TRDN: variants seen among roughly 807,000 people sequenced by gnomAD.
TRDN encodes triadin, also known as triadin in skeletal muscle.
A neutral mutation model predicts 149.7 loss-of-function variants in TRDN; 161 were observed. The ratio of observed to expected loss-of-function variants is 1.08; its 90% CI spans 0.95 to 1.23. The LOEUF is 1.23. Among genes scored for constraint, TRDN ranks in the 50% most tolerant of loss-of-function variants. The probability of loss-of-function intolerance (pLI) is 0.00; values close to 1 mark genes in which losing one functional copy is unlikely to be tolerated. For missense variants in TRDN, 896 were observed against 823.5 expected (o/e 1.09, Z -1.08); for synonymous variants, 294 against 250.5 (o/e 1.17, Z -1.64).
intron 1 of TRDN, among the ~76,000 whole-genome samples, chr6:123,609,060 C>G (rs1187606183): frequency 6.6e-6 from 1 of 151,936 alleles, no homozygotes; most frequent in African/African-American, 2.4e-5. Flanking sequence ...GTAATCCCAG[C>G]TACTTGAGAG....
chr6:123,488,835 C>T (rs1177015721), intron 9 of TRDN: 1 of 151,948 alleles, frequency 6.6e-6, no homozygotes, highest in African/African-American at 2.4e-5. Flanking sequence ...TGGAATTCGG[C>T]AGTCTTGGAT....
chr6:123,309,687 A>C (rs1448450232), intron 24 of TRDN, among the ~76,000 whole-genome samples: 1 of 151,874 alleles, frequency 6.6e-6, no homozygotes, highest in Non-Finnish European at 1.5e-5. Context: ...TTTTTTCAAT[A>C]AATACATTGA....
chr6:123,486,230 T>G (rs1237036148), intron 9 of TRDN, among the ~76,000 whole-genome samples: 4 of 151,806 alleles, frequency 2.6e-5, no homozygotes, highest in Admixed American at 1.3e-4. Context: ...CATCTTGGGT[T>G]TTGGGTTCTC....
intron 14 of TRDN, among the ~76,000 whole-genome samples, chr6:123,385,830 T>G (rs1781888044): frequency 6.6e-6 from 1 of 152,134 alleles, no homozygotes; most frequent in African/African-American, 2.4e-5. Flanking sequence ...CTGGATCTGC[T>G]CGTAGAATTC....
intron 38 of TRDN, among the ~76,000 whole-genome samples, chr6:123,229,170 T>C (rs932294662): frequency 2.0e-5 from 3 of 151,928 alleles, no homozygotes; most frequent in African/African-American, 7.2e-5. Context: ...AGCAGTTGTC[T>C]GCACTATAAT....
At chr6:123,363,884 T>C (rs1182369861) in intron 20 of TRDN, among the ~76,000 whole-genome samples, 1 of 152,232 alleles carries the variant, frequency 6.6e-6, no homozygotes, top group Non-Finnish European at 1.5e-5. Context: ...CGTAGAGGTT[T>C]CTCTGTACAT....
At chr6:123,463,498 A>C (rs947477509) in intron 10 of TRDN, among the ~76,000 whole-genome samples, 2 of 152,072 alleles carry the variant, frequency 1.3e-5, no homozygotes, top group African/African-American at 4.8e-5. Flanking sequence ...CTCTGCTAGG[A>C]GATAACTTGG....
chr6:123,559,314 G>C (rs56785894), intron 2 of TRDN, among the ~76,000 whole-genome samples: 2 of 149,078 alleles, frequency 1.3e-5, no homozygotes, highest in East Asian at 1.9e-4. Context: ...AAACTCCCCA[G>C]CTCTGGTGCC....
intron 24 of TRDN, among the ~76,000 whole-genome samples, chr6:123,305,970 A>C (rs1204612046): frequency 6.6e-6 from 1 of 152,158 alleles, no homozygotes; most frequent in Non-Finnish European, 1.5e-5. Flanking sequence ...CTAGACTTTT[A>C]GATATGTTTT....
chr6:123,271,250 C>T (rs1777196675), intron 29 of TRDN, 64 bp from the exon 30 acceptor site: 1 of 1,180,592 alleles, frequency 8.5e-7, no homozygotes, highest in African/African-American at 1.6e-5. Context: ...ATATTTCAAC[C>T]ATGATTTTTG....
intron 9 of TRDN, among the ~76,000 whole-genome samples, chr6:123,467,037 A>T (rs2114719398): frequency 6.6e-6 from 1 of 152,226 alleles, no homozygotes; most frequent in East Asian, 1.9e-4. Context: ...ATATAAAGTT[A>T]TTACTTTATT....
At chr6:123,440,736 A>T (rs938275624) in intron 10 of TRDN, among the ~76,000 whole-genome samples, 1 of 152,182 alleles carries the variant, frequency 6.6e-6, no homozygotes, top group African/African-American at 2.4e-5. Flanking sequence ...CAATTAGTCA[A>T]TCTTACACCG....
intron 1 of TRDN, among the ~76,000 whole-genome samples, chr6:123,571,412 A>G (rs918199649): frequency 6.6e-6 from 1 of 152,156 alleles, no homozygotes; most frequent in Middle Eastern, 3.2e-3. Flanking sequence ...GTTCAAATGG[A>G]TAAAACTTCT....
At chr6:123,273,429 T>A in intron 27 of TRDN, 66 bp from the exon 28 acceptor site, 1 of 760,458 alleles carries the variant, frequency 1.3e-6, no homozygotes, top group Non-Finnish European at 1.8e-6. Flanking sequence ...CAATAACAAA[T>A]ACAACTGGTT....
At chr6:123,276,449 C>G (rs1777369603) in intron 26 of TRDN, among the ~76,000 whole-genome samples, 1 of 152,100 alleles carries the variant, frequency 6.6e-6, no homozygotes, top group South Asian at 2.1e-4. Context: ...AAGGTGCAAA[C>G]TGATTTCTCC....
rs755974871 is a variant in TRDN, at chr6:123,272,958, A to G, written c.1672+6T>C. ...TTTGAGACTACAAATACCACCTGCA[A>G]AATACCTGGTTTACCATGAGAAACA... is the stretch of plus-strand genomic sequence containing the variant. On this transcript the variant is annotated splice_donor_region_variant and intron_variant, in intron 29 of 40. Transcript: ENST00000334268. 2.6e-6 allele frequency: 4 copies of G among 1,527,288 alleles called. No individual in the cohort carries two copies. The Admixed American group carries it at 8.9e-5, about 34-fold the overall frequency. The allele number at this position is 1,527,288 out of a possible 1,614,324, so 94.6% of individuals were successfully genotyped here.
At chr6:123,623,428 T>C (rs948902475) in intron 1 of TRDN, among the ~76,000 whole-genome samples, 1 of 152,090 alleles carries the variant, frequency 6.6e-6, no homozygotes, top group African/African-American at 2.4e-5. Flanking sequence ...TAGTTTATCA[T>C]CTCTGATAGG....
intron 24 of TRDN, among the ~76,000 whole-genome samples, chr6:123,315,496 T>C (rs539921210): frequency 6.6e-6 from 1 of 152,060 alleles, no homozygotes; most frequent in South Asian, 2.1e-4. Context: ...TAATTTAATA[T>C]TTAACATATA....
At chr6:123,305,961 T>G (rs1778593024) in intron 24 of TRDN, among the ~76,000 whole-genome samples, 1 of 152,176 alleles carries the variant, frequency 6.6e-6, no homozygotes, top group Non-Finnish European at 1.5e-5. Flanking sequence ...AGAATATGTC[T>G]AGACTTTTAG....
Sources: allele counts gnomAD v4.1 joint callset (sites outside exome capture counted in the v4.1 genomes callset), GRCh38; gene constraint gnomAD v4.1.1; transcripts MANE v1.5; gene names NCBI Gene and HGNC (gene_info 2026-07-23, HGNC 2026-07-21).